The following DPP6 variants were observed in gnomAD, a reference collection of about 807,000 sequenced individuals.
The protein encoded by DPP6 is dipeptidyl peptidase like 6, also known as A-type potassium channel modulatory protein DPP6.
A neutral mutation model predicts 122.6 loss-of-function variants in DPP6; 69 were observed. The observed-to-expected ratio is 0.56, with a 90% confidence interval of 0.46 to 0.69. DPP6 has a LOEUF of 0.69. DPP6 is among the 30% of genes least tolerant of loss of function. The pLI, the probability that DPP6 is intolerant of heterozygous loss-of-function variation, is 0.00. For synonymous variants in DPP6, 418 were observed against 433.1 expected, an observed-to-expected ratio of 0.97 and a Z score of 0.43; for missense variants, 928 against 1,116.9, an observed-to-expected ratio of 0.83 and a Z score of 2.41.
intron 8 of DPP6, among the ~76,000 whole-genome samples, chr7:154,742,261 GC>G (rs1842851799): frequency 6.6e-6 from 1 of 152,190 alleles, no homozygotes; most frequent in African/African-American, 2.4e-5. Context: ...CTGCACCGAA[GC>G]CCTCTACCAG....
chr7:154,723,468 T>TAA (rs3080669), intron 7 of DPP6, among the ~76,000 whole-genome samples: 42,524 of 148,980 alleles, frequency 0.29, 6,578 homozygotes, highest in Non-Finnish European at 0.35. Flanking sequence ...CATTTATTTT[T>TAA]AAAAAAAAAA....
intron 1 of DPP6, among the ~76,000 whole-genome samples, chr7:154,104,829 G>C (rs986877811): frequency 6.6e-6 from 1 of 152,210 alleles, no homozygotes; most frequent in Non-Finnish European, 1.5e-5. Context: ...CTCAGTGTAA[G>C]ATCAGGTTTG....
intron 7 of DPP6, among the ~76,000 whole-genome samples, chr7:154,719,383 A>G (rs1841677659): frequency 6.6e-6 from 1 of 151,098 alleles, no homozygotes; most frequent in Non-Finnish European, 1.5e-5. Context: ...TAATGTGGCC[A>G]CGGGGGTGGA....
At chr7:154,574,813 ATGTGT>A (rs1385437304) in intron 5 of DPP6, among the ~76,000 whole-genome samples, 1 of 47,034 alleles carries the variant, frequency 2.1e-5, no homozygotes, top group Non-Finnish European at 4.0e-5. Context: ...TGTGTGTGTG[ATGTGT>A]TTGTGTGGTG....
At chr7:153,926,317 A>G (rs931423989) in intron 1 of DPP6, among the ~76,000 whole-genome samples, 6 of 152,354 alleles carry the variant, frequency 3.9e-5, no homozygotes, top group African/African-American at 1.4e-4. Flanking sequence ...TTGAAATCAC[A>G]TTTCTATCCT....
the DPP6 span, among the ~76,000 whole-genome samples, chr7:153,824,399 A>AAC: frequency 5.0e-4 from 74 of 148,502 alleles, no homozygotes; most frequent in African/African-American, 1.8e-3. Flanking sequence ...AAAAAAAAAA[A>AAC]AAAAAAGCCA....
At chr7:154,272,005 G>A (rs1010389585) in intron 1 of DPP6, among the ~76,000 whole-genome samples, 3 of 152,068 alleles carry the variant, frequency 2.0e-5, no homozygotes, top group Middle Eastern at 3.2e-3. Flanking sequence ...CAGCTTCCTG[G>A]TTTCAAGGAA....
chr7:154,376,060 G>A (rs530042520), intron 1 of DPP6, among the ~76,000 whole-genome samples: 6 of 152,248 alleles, frequency 3.9e-5, no homozygotes, highest in Non-Finnish European at 8.8e-5. Flanking sequence ...CAGCCTTCCC[G>A]GAAACCGTGT....
chr7:154,675,168 T>C (rs924927923), intron 7 of DPP6, among the ~76,000 whole-genome samples: 1 of 151,374 alleles, frequency 6.6e-6, no homozygotes, highest in Non-Finnish European at 1.5e-5. Context: ...TGAGAACACA[T>C]GGACACAGGG....
At chr7:154,733,864 A>G (rs964256035) in intron 8 of DPP6, among the ~76,000 whole-genome samples, 72 of 152,260 alleles carry the variant, frequency 4.7e-4, no homozygotes, top group African/African-American at 1.6e-3. Context: ...AACAAACTTA[A>G]GTAACACTTC....
At chr7:153,828,619 C>T in the DPP6 span, among the ~76,000 whole-genome samples, 1 of 152,000 alleles carries the variant, frequency 6.6e-6, no homozygotes, top group Admixed American at 6.6e-5. Context: ...TATTCCTGCG[C>T]AAAATATGGA....
chr7:154,284,159 C>T lies in DPP6; in HGVS notation c.244-162055C>T, dbSNP rs574052805. 6.5e-4 allele frequency among the ~76,000 whole-genome samples: 99 copies of T among 152,182 alleles called. 1 individual carries two copies. Among genetic ancestry groups the T allele is most frequent in the African/African-American group, 2.1e-3 (86 of 41,532 alleles). On this transcript the variant is annotated intron_variant, in intron 1 of 25. Transcript: ENST00000377770. ...GGAACCCCACTGGGTCTTCTGTCTTCTGGGTGAGCTCTTGGTTGAGGGGAC... is the reference window on the plus strand; with the variant it reads ...GGAACCCCACTGGGTCTTCTGTCTTTTGGGTGAGCTCTTGGTTGAGGGGAC...
At chr7:154,057,191 G>A (rs1186577640) in intron 1 of DPP6, among the ~76,000 whole-genome samples, 2 of 152,142 alleles carry the variant, frequency 1.3e-5, no homozygotes, top group Admixed American at 6.5e-5. Context: ...CTGTTTGAGG[G>A]CCTTGGCAGC....
At chr7:154,083,065 G>T (rs1804144741) in intron 1 of DPP6, among the ~76,000 whole-genome samples, 1 of 151,924 alleles carries the variant, frequency 6.6e-6, no homozygotes, top group Admixed American at 6.6e-5. Flanking sequence ...TAGCCAGGAT[G>T]GTCTCGATCT....
Position 154,313,358 on chromosome 7 carries a change from A to G in DPP6, c.244-132856A>G, listed in dbSNP as rs74846145. On this transcript the variant is annotated intron_variant, in intron 1 of 25. Coordinates refer to ENST00000377770, the MANE Select transcript of DPP6 (RefSeq NM_130797.4). ...ACACAGAGATGGTTTGGGAAAACAG[A>G]AACAGGAACTGTGATATGAAAGTGT... is the stretch of plus-strand genomic sequence containing the variant. 2.0e-4 allele frequency among the ~76,000 whole-genome samples: 31 copies of G among 152,240 alleles called. No homozygotes were observed. The East Asian group carries it at 4.5e-3, about 22-fold the overall frequency.
At chr7:154,705,329 T>C (rs1840767635) in intron 7 of DPP6, among the ~76,000 whole-genome samples, 1 of 152,200 alleles carries the variant, frequency 6.6e-6, no homozygotes, top group African/African-American at 2.4e-5. Context: ...TGTCTCTGCC[T>C]CCATCCTTAT....
At position 153,985,902 on chromosome 7, in the gene DPP6, C is replaced by T. The variant is rs565487169; in HGVS notation, c.51+98168C>T. 4.5e-4 allele frequency among the ~76,000 whole-genome samples: 68 copies of T among 152,242 alleles called. 2 individuals are homozygous for T. The highest frequency in any genetic ancestry group is 1.7e-3 in the South Asian group (8 of 4,818). On this transcript the variant is annotated intron_variant, in intron 1 of 25. Transcript: ENST00000404039. Reference sequence around the variant, plus strand: ...TTATTTCAAATCTATACTTGGGCAACAGTTTGGGGCCAGGAGGAATAAAAG... The same window carrying T: ...TTATTTCAAATCTATACTTGGGCAATAGTTTGGGGCCAGGAGGAATAAAAG...
intron 1 of DPP6, among the ~76,000 whole-genome samples, chr7:154,300,101 A>G (rs1450763193): frequency 1.3e-5 from 2 of 152,224 alleles, no homozygotes; most frequent in Non-Finnish European, 2.9e-5. Flanking sequence ...GAAATTGCTA[A>G]TAGAATTGGG....
intron 3 of DPP6, among the ~76,000 whole-genome samples, chr7:154,528,205 A>C (rs1827565353): frequency 6.6e-6 from 1 of 152,174 alleles, no homozygotes; most frequent in African/African-American, 2.4e-5. Context: ...ATTTTCTCCT[A>C]GGAATCTGAC....
Sources: allele counts gnomAD v4.1 joint callset (sites outside exome capture counted in the v4.1 genomes callset), GRCh38; gene constraint gnomAD v4.1.1; transcripts MANE v1.5; gene names NCBI Gene and HGNC (gene_info 2026-07-23, HGNC 2026-07-21).